Variants in S1PR3 observed in about 807,000 individuals in gnomAD.
The protein encoded by S1PR3 is sphingosine 1-phosphate receptor 3.
S1PR3 carries 12 observed loss-of-function variants against 13.3 expected under a neutral mutation model. The observed-to-expected ratio is 0.90, with a 90% CI of 0.58 to 1.46. The LOEUF is 1.46. Ranked by LOEUF, S1PR3 falls within the 40% of genes most tolerant of loss-of-function variation. The probability of loss-of-function intolerance (pLI) is 0.00; values close to 1 mark genes in which losing one functional copy is unlikely to be tolerated. For missense variants in S1PR3, 450 were observed against 501.9 expected (o/e 0.90, Z 0.99); for synonymous variants, 232 against 214.0 (o/e 1.08, Z -0.73).
upstream of S1PR3, chr9:88,991,172 C>G (rs1395261804): frequency 3.7e-6 from 6 of 1,604,904 alleles, no homozygotes; most frequent in African/African-American, 2.7e-5. The surrounding 1 kb of genome is among the most constrained non-coding windows in gnomAD (Gnocchi z 4.0). Context: ...GGAGCTCGCC[C>G]GATGAGGACA....
chr9:88,991,877 C>A lies in S1PR3; in HGVS notation c.-148+182C>A, dbSNP rs1329602897. The A allele has an allele frequency of 1.2e-6, 2 of 1,614,052 alleles. No individual in the cohort carries two copies. The highest frequency in any genetic ancestry group is 2.2e-5 in the East Asian group (1 of 44,884). On this transcript the variant is annotated intron_variant, in intron 1 of 1. Coordinates refer to ENST00000358157, the MANE Select transcript of S1PR3 (RefSeq NM_005226.4). This position sits in a 1 kb window ranked among gnomAD's most constrained non-coding sequence, Gnocchi z 4.0. ...AGCCGCTGCAGGAACAGGGAGGAGGCCTTTTCCACCGCACCCGGAGCGTTT... is the reference window on the plus strand; with the variant it reads ...AGCCGCTGCAGGAACAGGGAGGAGGACTTTTCCACCGCACCCGGAGCGTTT...
intron 1 of S1PR3, chr9:88,995,812 T>C (rs1825796059): frequency 1.8e-5 from 3 of 167,034 alleles, no homozygotes. Context: ...GATGTGTTAG[T>C]GTAGCACTTG....
Position 88,991,758 on chromosome 9 carries a change from C to G in S1PR3, c.-148+63C>G, listed in dbSNP as rs1459183104. 1 of 1,559,372 alleles carries G rather than the reference C, an allele frequency of 6.4e-7. No homozygotes were observed. The highest frequency in any genetic ancestry group is 1.9e-5 in the Admixed American group (1 of 51,484). ...GGGGGGCTGGGGGCCGAAGGACCCACCTTTCCAACAAAATCCCCACCGATC... is the reference window on the plus strand; with the variant it reads ...GGGGGGCTGGGGGCCGAAGGACCCAGCTTTCCAACAAAATCCCCACCGATC... On this transcript the variant is annotated intron_variant, in intron 1 of 1. Coordinates refer to ENST00000358157, the MANE Select transcript of S1PR3 (RefSeq NM_005226.4). This position sits in a 1 kb window ranked among gnomAD's most constrained non-coding sequence, Gnocchi z 4.0.
chr9:88,991,640 C>G lies in S1PR3; in HGVS notation c.-203C>G. On this transcript the variant is annotated 5_prime_UTR_variant, in exon 1 of 2. Transcript: ENST00000358157. This position sits in a 1 kb window ranked among gnomAD's most constrained non-coding sequence, Gnocchi z 4.0. ...GAGCGCAGGACCGGGCGCCCCGGCA[C>G]CGCCGCGCGCCACCCGCTAGGATGC... The G allele has an allele frequency of 3.9e-6, 6 of 1,524,096 alleles. No homozygotes were observed. Among genetic ancestry groups the G allele is most frequent in the Non-Finnish European group, 4.4e-6 (5 of 1,137,390 alleles). The allele number at this position is 1,524,096 out of a possible 1,614,324, so 94.4% of individuals were successfully genotyped here.
In S1PR3 at chr9:89,002,334, C is replaced by T; in HGVS notation, c.1134C>T (p.Asn378=). The part of the protein sequence containing the change: ...NAALQNGIFC[N] ...CACTTCAGAATGGGATCTTCTGCAACTGATCGTCTCCATGCGCCCTGCTCT... is the reference window on the plus strand; with the variant it reads ...CACTTCAGAATGGGATCTTCTGCAATTGATCGTCTCCATGCGCCCTGCTCT... The change falls in exon 2 of 2, where the codon AAC becomes AAT. Residue 378 remains asparagine, a synonymous_variant. Coordinates refer to ENST00000358157, the MANE Select transcript of S1PR3 (RefSeq NM_005226.4). 6.2e-7 allele frequency: 1 copy of T among 1,613,726 alleles called. No homozygotes were observed.
In S1PR3 at chr9:89,001,781, A is replaced by G. The variant is rs1825870475; in HGVS notation, c.581A>G (p.Lys194Arg). The part of the protein sequence containing the change: ...DCSTILPLYS[K>R]KYIAFCISIF... ...TCTACCATCCTGCCCCTCTACTCCA[A>G]GAAGTACATTGCCTTCTGCATCAGC... Residue 194 changes from lysine (K) to arginine (R), a missense_variant, in exon 2 of 2, where the codon AAG (lysine) becomes AGG (arginine). Transcript: ENST00000358157. 6.2e-7 allele frequency: 1 copy of G among 1,614,090 alleles called. No homozygotes were observed. Among genetic ancestry groups the G allele is most frequent in the Non-Finnish European group, 8.5e-7 (1 of 1,180,046 alleles).
chr9:88,991,731 G>GT lies in S1PR3; in HGVS notation c.-148+37dup, dbSNP rs1017740954. The GT allele has an allele frequency of 1.0e-5, 16 of 1,544,484 alleles. No individual in the cohort carries two copies. Among genetic ancestry groups the GT allele is most frequent in the Non-Finnish European group, 1.4e-5 (16 of 1,143,462 alleles). ...GGCCCGGGCGGGGCGCGGAACCAGGGTGGGGGGCTGGGGGCCGAAGGACCC... is the reference window on the plus strand; with the variant it reads ...GGCCCGGGCGGGGCGCGGAACCAGGGTTGGGGGGCTGGGGGCCGAAGGACCC... On this transcript the variant is annotated intron_variant, in intron 1 of 1. Coordinates refer to ENST00000358157, the MANE Select transcript of S1PR3 (RefSeq NM_005226.4). The surrounding 1 kb of genome is among the most constrained non-coding windows in gnomAD (Gnocchi z 4.0).
chr9:88,991,010 G>A (rs765709630), upstream of S1PR3: 1 of 1,613,524 alleles, frequency 6.2e-7, no homozygotes, highest in East Asian at 2.2e-5. The surrounding 1 kb of genome is among the most constrained non-coding windows in gnomAD (Gnocchi z 4.0). Context: ...TCAGGATCTG[G>A]ACAACGATAA....
intron 1 of S1PR3, chr9:88,992,236 A>G (rs895461802): frequency 1.9e-5 from 11 of 570,864 alleles, no homozygotes; most frequent in African/African-American, 1.9e-4. Context: ...ACAGCTAGAG[A>G]AGGGGCTTTG....
intron 1 of S1PR3, chr9:88,995,486 A>C (rs954795243): frequency 2.4e-5 from 4 of 166,792 alleles, no homozygotes; most frequent in African/African-American, 9.7e-5. Context: ...GAAGGTAGGC[A>C]CCTCTGACCT....
intron 1 of S1PR3, chr9:88,995,680 TAA>T (rs930146094): frequency 2.4e-5 from 4 of 167,042 alleles, no homozygotes; most frequent in African/African-American, 9.7e-5. Flanking sequence ...AGAACTCAGG[TAA>T]GTTCAGATGT....
At position 88,991,871 on chromosome 9, in the gene S1PR3, A is replaced by G. The variant is rs1825720791; in HGVS notation, c.-148+176A>G. On this transcript the variant is annotated intron_variant, in intron 1 of 1. Coordinates refer to ENST00000358157, the MANE Select transcript of S1PR3 (RefSeq NM_005226.4). The surrounding 1 kb of genome is among the most constrained non-coding windows in gnomAD (Gnocchi z 4.0). ...CCCCAGAGCCGCTGCAGGAACAGGG[A>G]GGAGGCCTTTTCCACCGCACCCGGA... is the stretch of plus-strand genomic sequence containing the variant. 1 of 1,614,010 alleles carries G rather than the reference A, an allele frequency of 6.2e-7. No individual in the cohort carries two copies. The highest frequency in any genetic ancestry group is 1.3e-5 in the African/African-American group (1 of 74,936).
chr9:88,996,308 A>G (rs1468750474), intron 1 of S1PR3, among the ~76,000 whole-genome samples: 1 of 152,190 alleles, frequency 6.6e-6, no homozygotes, highest in African/African-American at 2.4e-5. Context: ...CTGCGAAAAC[A>G]TGGACATGTG....
At chr9:89,000,949 C>A (rs1261468707) in intron 1 of S1PR3, 105 bp from the exon 2 acceptor site, 4 of 534,056 alleles carry the variant, frequency 7.5e-6, no homozygotes, top group Non-Finnish European at 1.3e-5. Flanking sequence ...GCTAGCCATC[C>A]CAGTACTTCC....
chr9:88,997,272 A>G (rs1451723037), intron 1 of S1PR3: 1 of 152,124 alleles, frequency 6.6e-6, no homozygotes, highest in Non-Finnish European at 1.5e-5. Context: ...CAAATCTTAT[A>G]CTATGTTTAT....
At chr9:88,999,714 A>C (rs1433948743) in intron 1 of S1PR3, 3 of 152,206 alleles carry the variant, frequency 2.0e-5, no homozygotes, top group Non-Finnish European at 4.4e-5. Context: ...TCAAATAATA[A>C]ATGATGGCTG....
rs1411010464 is a variant in S1PR3 at position 89,002,051 on chromosome 9, T to C, written c.851T>C (p.Ile284Thr). The change falls in exon 2 of 2, where the codon ATC (isoleucine) becomes ACC (threonine). Residue 284 changes from isoleucine (I) to threonine (T), a missense_variant. Transcript: ENST00000358157. The stretch of plus-strand genomic sequence containing the variant: ...ATCCTCTTCAAGGCTCAGTGGTTCA[T>C]CGTGTTGGCTGTGCTCAACTCCGCC... ...CPILFKAQWFIVLAVLNSAMN... is the reference protein window; with the variant it reads ...CPILFKAQWFTVLAVLNSAMN... 1.2e-6 allele frequency: 2 copies of C among 1,614,088 alleles called. No homozygotes were observed. Among genetic ancestry groups the C allele is most frequent in the Non-Finnish European group, 8.5e-7 (1 of 1,180,022 alleles).
At chr9:88,993,857 A>C (rs1159055977) in intron 1 of S1PR3, 3 of 152,438 alleles carry the variant, frequency 2.0e-5, no homozygotes, top group African/African-American at 7.2e-5. Flanking sequence ...TCCAGTGCAG[A>C]TTGGTGCCCA....
At chr9:89,000,790 G>T (rs2118601879) in intron 1 of S1PR3, 1 of 214,160 alleles carries the variant, frequency 4.7e-6, no homozygotes, top group South Asian at 8.6e-5. Context: ...GCTGTACTTG[G>T]GTCTGTGTAT....
Sources: allele counts gnomAD v4.1 joint callset (sites outside exome capture counted in the v4.1 genomes callset), GRCh38; gene constraint gnomAD v4.1.1; non-coding constraint Gnocchi (gnomAD v3.1); transcripts MANE v1.5; gene names NCBI Gene and HGNC (gene_info 2026-07-23, HGNC 2026-07-21).